PTPRN2: variants seen among roughly 807,000 people sequenced by gnomAD.
PTPRN2 encodes the protein receptor-type tyrosine-protein phosphatase N2.
In PTPRN2, 74 loss-of-function variants were observed where a neutral mutation model predicts 118.8. The observed-to-expected ratio is 0.62, with a 90% confidence interval of 0.52 to 0.76. The LOEUF (loss-of-function observed/expected upper bound fraction) is 0.76. Among genes scored for constraint, PTPRN2 ranks in the 30% least tolerant of loss-of-function variants. The pLI, the probability that PTPRN2 is intolerant of heterozygous loss-of-function variation, is 0.00. For missense variants in PTPRN2, 1,481 were observed against 1,394.4 expected (o/e 1.06, Z -0.99); for synonymous variants, 641 against 608.0 (o/e 1.05, Z -0.80).
chr7:157,919,836 A>G lies in PTPRN2; in HGVS notation c.1724-21099T>C, dbSNP rs1020202533. Among the ~76,000 whole-genome samples the G allele has an allele frequency of 3.5e-4, 54 of 152,228 alleles. 1 individual carries two copies. The highest frequency in any genetic ancestry group is 4.0e-4 in the Non-Finnish European group (27 of 68,040). On this transcript the variant is annotated intron_variant, in intron 11 of 22. Transcript: ENST00000389418. ...TACACCCACAAGTGGTGGTCCCATA[A>G]GAGTATGACGGAGCTGACAAATTCC...
intron 1 of PTPRN2, among the ~76,000 whole-genome samples, chr7:158,499,212 T>C (rs1822177230): frequency 6.6e-6 from 1 of 152,188 alleles, no homozygotes; most frequent in Non-Finnish European, 1.5e-5. Flanking sequence ...CACACTTTGA[T>C]GTGCATGTGA....
intron 2 of PTPRN2, among the ~76,000 whole-genome samples, chr7:158,425,881 A>C (rs1365890148): frequency 7.3e-6 from 1 of 137,530 alleles, no homozygotes. Context: ...AGTCCAGCCT[A>C]GCTGAGGCCT....
Position 157,903,199 on chromosome 7 carries a change from G to A in PTPRN2, c.1724-4462C>T, listed in dbSNP as rs1048810761. Among the ~76,000 whole-genome samples, 51 of 152,252 alleles carry A rather than the reference G, an allele frequency of 3.3e-4. No homozygotes were observed. Among genetic ancestry groups the A allele is most frequent in the African/African-American group, 1.1e-3 (46 of 41,552 alleles). On this transcript the variant is annotated intron_variant, in intron 11 of 22. Coordinates refer to ENST00000389418, the MANE Select transcript of PTPRN2 (RefSeq NM_002847.5). The surrounding 1 kb of genome is among the most constrained non-coding windows in gnomAD (Gnocchi z 4.2). ...GAGAACCACATGCGCTCACATGGAA[G>A]TGGGGACCAGACATCGGGTACTTAC...
chr7:157,878,610 G>A (rs1396036168), intron 12 of PTPRN2, among the ~76,000 whole-genome samples: 3 of 143,604 alleles, frequency 2.1e-5, no homozygotes, highest in Non-Finnish European at 4.5e-5. Flanking sequence ...GGGGCTGGAA[G>A]GGTCAGTGTG....
chr7:158,319,492 A>ACACACACC (rs1563131485), intron 2 of PTPRN2, among the ~76,000 whole-genome samples: 1 of 30,364 alleles, frequency 3.3e-5, no homozygotes, highest in African/African-American at 1.2e-4. Context: ...CCTCCCTCAC[A>ACACACACC]CTCACACAGC....
At chr7:157,802,106 C>T (rs1210939370) in intron 12 of PTPRN2, among the ~76,000 whole-genome samples, 1 of 152,178 alleles carries the variant, frequency 6.6e-6, no homozygotes, top group Non-Finnish European at 1.5e-5. Flanking sequence ...GAACGTGTAG[C>T]GAGGCCCACC....
At chr7:158,108,309 C>G (rs905496952) in intron 10 of PTPRN2, among the ~76,000 whole-genome samples, 1 of 152,142 alleles carries the variant, frequency 6.6e-6, no homozygotes. Flanking sequence ...CGCCTTGCAC[C>G]TGCTCCCTCC....
chr7:157,884,754 C>T (rs1044510261), intron 12 of PTPRN2, among the ~76,000 whole-genome samples: 5 of 152,170 alleles, frequency 3.3e-5, no homozygotes, highest in African/African-American at 2.4e-5. Context: ...GTCACGAGAA[C>T]AGCATGGGAA....
chr7:158,263,019 G>T (rs1012415747), intron 3 of PTPRN2, among the ~76,000 whole-genome samples: 2 of 136,798 alleles, frequency 1.5e-5, no homozygotes, highest in East Asian at 2.2e-4. Flanking sequence ...TTCACACACA[G>T]TGCACACATA....
At chr7:157,754,626 G>A (rs906853016) in intron 12 of PTPRN2, among the ~76,000 whole-genome samples, 2 of 152,212 alleles carry the variant, frequency 1.3e-5, no homozygotes, top group African/African-American at 4.8e-5. Flanking sequence ...GGCTCCGGCT[G>A]GAAAGGTGCC....
chr7:157,973,591 C>T (rs1802503684), intron 11 of PTPRN2, among the ~76,000 whole-genome samples: 1 of 152,160 alleles, frequency 6.6e-6, no homozygotes, highest in Non-Finnish European at 1.5e-5. Flanking sequence ...GTGGGGCTTA[C>T]CCTGTAAAGA....
intron 5 of PTPRN2, among the ~76,000 whole-genome samples, chr7:158,184,876 G>A (rs952377604): frequency 5.9e-5 from 9 of 152,082 alleles, no homozygotes; most frequent in Non-Finnish European, 1.2e-4. Context: ...AGACATCCTC[G>A]TCTAATGCCA....
intron 12 of PTPRN2, chr7:157,864,050 G>T (rs535722536): frequency 2.0e-5 from 3 of 152,234 alleles, no homozygotes; most frequent in African/African-American, 7.2e-5. Context: ...CCGAAGCCAC[G>T]GCTATGTCGA....
chr7:158,521,038 G>A (rs1474049975), intron 1 of PTPRN2, among the ~76,000 whole-genome samples: 2 of 152,244 alleles, frequency 1.3e-5, no homozygotes, highest in Non-Finnish European at 2.9e-5. Context: ...AAGTGCTGCA[G>A]CCAGGACCTT....
intron 17 of PTPRN2, among the ~76,000 whole-genome samples, chr7:157,586,736 G>A (rs2150546882): frequency 1.3e-5 from 2 of 152,252 alleles, no homozygotes; most frequent in East Asian, 3.9e-4. Context: ...TGCTGGGTCT[G>A]TCCTGGATGC....
chr7:157,608,268 A>G (rs916907440), intron 15 of PTPRN2, among the ~76,000 whole-genome samples: 2 of 152,128 alleles, frequency 1.3e-5, no homozygotes, highest in Non-Finnish European at 2.9e-5. Flanking sequence ...GGGCTTCACC[A>G]TGTTGGCCAG....
intron 12 of PTPRN2, among the ~76,000 whole-genome samples, chr7:157,850,871 T>C (rs1176126522): frequency 6.6e-6 from 1 of 152,220 alleles, no homozygotes; most frequent in Non-Finnish European, 1.5e-5. Flanking sequence ...ACAATCTTCA[T>C]GTGGGAGAAC....
At chr7:158,248,644 T>C (rs1375370822) in intron 3 of PTPRN2, among the ~76,000 whole-genome samples, 1 of 141,402 alleles carries the variant, frequency 7.1e-6, no homozygotes, top group East Asian at 2.2e-4. Context: ...ACCACACATA[T>C]GCACACATCA....
At chr7:157,917,904 T>A (rs575544142) in intron 11 of PTPRN2, among the ~76,000 whole-genome samples, 81 of 152,250 alleles carry the variant, frequency 5.3e-4, no homozygotes, top group Middle Eastern at 6.8e-3. Context: ...TTCCACCCAT[T>A]TCACGATGTA....
Sources: gnomAD v4.1 joint callset for allele counts (sites outside exome capture counted in the v4.1 genomes callset) on GRCh38, gnomAD v4.1.1 for gene constraint, Gnocchi (gnomAD v3.1) non-coding constraint, MANE v1.5 for transcripts, NCBI Gene and HGNC (gene_info 2026-07-23, HGNC 2026-07-21) for gene names.